The following MICAL3 variants were observed in gnomAD, a reference collection of about 807,000 sequenced individuals.
MICAL3 encodes [F-actin]-monooxygenase MICAL3.
MICAL3 carries 62 observed loss-of-function variants against 207.4 expected under a neutral mutation model. That is an observed-to-expected ratio of 0.30 (90% CI 0.24 to 0.37). The LOEUF (loss-of-function observed/expected upper bound fraction) is 0.37. MICAL3 is among the 10% of genes least tolerant of loss of function. The pLI is 1.00. For missense variants in MICAL3, 2,368 were observed against 2,635.6 expected, an observed-to-expected ratio of 0.90 and a Z score of 2.22; for synonymous variants, 1,077 against 1,069.3, an observed-to-expected ratio of 1.01 and a Z score of -0.14.
At chr22:18,008,024 T>C (rs1923512417) in intron 1 of MICAL3, among the ~76,000 whole-genome samples, 1 of 150,834 alleles carries the variant, frequency 6.6e-6, no homozygotes, top group African/African-American at 2.4e-5. Flanking sequence ...GTGGATCACT[T>C]GAGGTCAGGA....
intron 1 of MICAL3, chr22:18,005,415 C>T (rs976233670): frequency 6.6e-6 from 1 of 152,142 alleles, no homozygotes; most frequent in Admixed American, 6.5e-5. Context: ...GCCTGGCTTT[C>T]CACACTGCAT....
chr22:18,006,325 G>C (rs554753702), intron 1 of MICAL3: 1 of 152,150 alleles, frequency 6.6e-6, no homozygotes, highest in Non-Finnish European at 1.5e-5. Context: ...GCGAAATGTA[G>C]GTGCTCACGT....
intron 20 of MICAL3, among the ~76,000 whole-genome samples, chr22:17,838,511 G>A (rs1180293637): frequency 2.0e-5 from 3 of 152,166 alleles, no homozygotes; most frequent in Non-Finnish European, 4.4e-5. Flanking sequence ...GGCTTCGTCC[G>A]TGCTTTATAC....
intron 16 of MICAL3, chr22:17,876,757 A>AGGTTAG: frequency 1.5e-5 from 1 of 66,126 alleles, no homozygotes; most frequent in South Asian, 6.3e-4. Flanking sequence ...AGGGAGGTTA[A>AGGTTAG]GGAGGTTAGG....
Position 17,820,972 on chromosome 22 carries a change from A to ATAAACATAAATTTTAATAAATTTG in MICAL3, c.3531+454_3531+455insCAAATTTATTAAAATTTATGTTTA, listed in dbSNP as rs1569080020. On this transcript the variant is annotated intron_variant, in intron 25 of 31. Coordinates refer to ENST00000441493, the MANE Select transcript of MICAL3 (RefSeq NM_015241.3). ...TAAACATAAATTTTAATAAATTTATATTTATAAACATAAATTTTAATAAAT... is the reference window on the plus strand; with the variant it reads ...TAAACATAAATTTTAATAAATTTATATAAACATAAATTTTAATAAATTTGTTTATAAACATAAATTTTAATAAAT... Among the ~76,000 whole-genome samples, 12 of 102,020 alleles carry ATAAACATAAATTTTAATAAATTTG rather than the reference A, an allele frequency of 1.2e-4. 1 individual carries two copies. Among genetic ancestry groups the ATAAACATAAATTTTAATAAATTTG allele is most frequent in the East Asian group, 6.7e-4 (3 of 4,482 alleles). The allele number at this position is 102,020 out of a possible 152,430, so 66.9% of individuals were successfully genotyped here. A position where few individuals can be genotyped will look rare whatever the true frequency, so the allele number is the denominator to read the frequency against.
intron 1 of MICAL3, among the ~76,000 whole-genome samples, chr22:17,995,576 G>A (rs1298978767): frequency 1.5e-5 from 2 of 131,902 alleles, no homozygotes; most frequent in Non-Finnish European, 3.1e-5. Flanking sequence ...TGCGATCTCC[G>A]CTCACTGCAG....
chr22:18,022,096 C>T (rs1924515727), intron 1 of MICAL3, among the ~76,000 whole-genome samples: 1 of 152,062 alleles, frequency 6.6e-6, no homozygotes, highest in Non-Finnish European at 1.5e-5. Flanking sequence ...TTCCTTGAGC[C>T]CCTTAGTCAT....
intron 13 of MICAL3, 87 bp downstream of exon 13, chr22:17,888,947 T>C (rs1930162689): frequency 1.1e-6 from 1 of 885,204 alleles, no homozygotes; most frequent in South Asian, 1.9e-5. Flanking sequence ...TTGGTGGCAC[T>C]GCTGCGGGAC....
chr22:17,928,277 A>G (rs1933020775), intron 1 of MICAL3, among the ~76,000 whole-genome samples: 1 of 152,106 alleles, frequency 6.6e-6, no homozygotes, highest in Non-Finnish European at 1.5e-5. Flanking sequence ...GCCTCTACTA[A>G]AAATACAAAA....
Position 17,865,858 on chromosome 22 carries a change from C to T in MICAL3, c.2517+66G>A, listed in dbSNP as rs567970493. On this transcript the variant is annotated intron_variant, in intron 18 of 31. Transcript: ENST00000441493. ...GGGGCATTTGCAGGTTGGCCGCCCC[C>T]GGCCCATAGCCACACTGCTGCAACA... The T allele has an allele frequency of 6.6e-5, 92 of 1,392,138 alleles. No individual in the cohort carries two copies. In the African/African-American group the frequency reaches 6.9e-4, roughly 10 times the overall value. 86.2% of individuals were successfully genotyped at this position (1,392,138 alleles called of 1,614,324 possible). A position where few individuals can be genotyped will look rare whatever the true frequency, so the allele number is the denominator to read the frequency against.
chr22:17,907,900 G>A (rs1237831637), intron 1 of MICAL3, among the ~76,000 whole-genome samples: 4 of 152,150 alleles, frequency 2.6e-5, no homozygotes, highest in East Asian at 1.9e-4. Context: ...ACCCTGAATC[G>A]AATTGAACAG....
intron 12 of MICAL3, 86 bp from the exon 13 acceptor site, chr22:17,889,316 T>C (rs533477781): frequency 2.0e-6 from 2 of 1,012,356 alleles, no homozygotes; most frequent in Non-Finnish European, 2.9e-6. Flanking sequence ...TCGTCCTTTC[T>C]CTGTTTTCAG....
intron 1 of MICAL3, among the ~76,000 whole-genome samples, chr22:17,967,494 C>CACACA (rs1569150737): frequency 3.4e-4 from 29 of 84,482 alleles, no homozygotes; most frequent in African/African-American, 4.4e-4. Flanking sequence ...ACACACACAC[C>CACACA]CACACACACC....
chr22:17,958,898 G>A (rs1934760068), intron 1 of MICAL3, among the ~76,000 whole-genome samples: 1 of 151,092 alleles, frequency 6.6e-6, no homozygotes, highest in African/African-American at 2.4e-5. Flanking sequence ...TAAAGACAGG[G>A]TTTCATCATG....
intron 3 of MICAL3, among the ~76,000 whole-genome samples, chr22:17,903,136 G>A (rs192054379): frequency 5.9e-5 from 9 of 152,296 alleles, no homozygotes; most frequent in African/African-American, 9.6e-5. Flanking sequence ...TGCAGCCCAC[G>A]GTCAGATGCA....
chr22:18,001,460 G>C (rs1215743367), intron 1 of MICAL3: 1 of 151,526 alleles, frequency 6.6e-6, no homozygotes, highest in Admixed American at 6.6e-5. Flanking sequence ...GCCCTGTTCC[G>C]CAGCCCGAGC....
intron 1 of MICAL3, among the ~76,000 whole-genome samples, chr22:17,947,922 C>T (rs1934150181): frequency 1.3e-5 from 2 of 152,040 alleles, no homozygotes; most frequent in Non-Finnish European, 2.9e-5. Context: ...TTCATCCACA[C>T]ATACCGTGTC....
chr22:17,952,340 A>C (rs1934388618), intron 1 of MICAL3, among the ~76,000 whole-genome samples: 1 of 152,080 alleles, frequency 6.6e-6, no homozygotes, highest in Non-Finnish European at 1.5e-5. Context: ...CATTTCCTTG[A>C]GAAACCTCCA....
chr22:17,924,103 T>G (rs1022939004), intron 1 of MICAL3, among the ~76,000 whole-genome samples: 1 of 152,200 alleles, frequency 6.6e-6, no homozygotes, highest in African/African-American at 2.4e-5. Flanking sequence ...ACCGCCTCCA[T>G]GATTCAATTA....
Sources: gnomAD v4.1 joint callset for allele counts (sites outside exome capture counted in the v4.1 genomes callset) on GRCh38, gnomAD v4.1.1 for gene constraint, MANE v1.5 for transcripts, NCBI Gene and HGNC (gene_info 2026-07-23, HGNC 2026-07-21) for gene names.